Variants in NID1 observed in about 807,000 individuals in gnomAD.
NID1 encodes nidogen-1.
A neutral mutation model predicts 130.6 loss-of-function variants in NID1; 76 were observed. The ratio of observed to expected loss-of-function variants is 0.58; its 90% CI spans 0.48 to 0.70. The LOEUF is 0.70. Among genes scored for constraint, NID1 ranks in the 30% least tolerant of loss-of-function variants. The probability of loss-of-function intolerance (pLI) is 0.00; values close to 1 mark genes in which losing one functional copy is unlikely to be tolerated. For synonymous variants in NID1, 665 were observed against 675.1 expected (o/e 0.98, Z 0.23); for missense variants, 1,517 against 1,664.8 (o/e 0.91, Z 1.54).
intron 8 of NID1, among the ~76,000 whole-genome samples, chr1:236,025,618 C>T (rs1204038290): frequency 6.6e-6 from 1 of 152,178 alleles, no homozygotes; most frequent in Non-Finnish European, 1.5e-5. Context: ...CCAATGCCAG[C>T]AGTAGCCTTA....
At chr1:236,045,359 A>G (rs1035424755) in intron 3 of NID1, 98 bp downstream of exon 3, 33 of 826,360 alleles carry the variant, frequency 4.0e-5, no homozygotes, top group Non-Finnish European at 5.2e-5. Flanking sequence ...ACTTAAATCC[A>G]TAGGAACATT....
intron 14 of NID1, among the ~76,000 whole-genome samples, chr1:235,990,255 T>C (rs1262017979): frequency 6.6e-6 from 1 of 152,324 alleles, no homozygotes; most frequent in East Asian, 1.9e-4. Context: ...AGGTTGGTCC[T>C]GTGGCAGGCA....
intron 13 of NID1, 53 bp downstream of exon 13, chr1:235,993,592 T>G: frequency 7.0e-7 from 1 of 1,424,600 alleles, no homozygotes; most frequent in South Asian, 1.4e-5. Flanking sequence ...GCAATTCCGG[T>G]CCCCCGAGGT....
At position 235,983,167 on chromosome 1, in the gene NID1, C is replaced by G. The variant is rs541899127; in HGVS notation, c.3056-1385G>C. ...GGGATTACAGGCATGAGCCACCACA[C>G]CTGGCTCCAATACTGTGTTCTTCTG... On this transcript the variant is annotated intron_variant, in intron 15 of 19. Coordinates refer to ENST00000264187, the MANE Select transcript of NID1 (RefSeq NM_002508.3). Among the ~76,000 whole-genome samples the G allele has an allele frequency of 4.6e-5, 7 of 152,348 alleles. No homozygotes were observed. The East Asian group carries it at 1.4e-3, about 29-fold the overall frequency.
Position 236,038,113 on chromosome 1 carries a change from C to T in NID1, c.1276G>A (p.Val426Ile). The change falls in exon 5 of 20, where the codon GTT becomes ATT. Residue 426 changes from valine to isoleucine, a missense_variant. Val to Ile is a conservative substitution (Grantham distance 29). Around this residue, in one of 3 missense-constraint regions of NID1, gnomAD observed 1,329 missense variants for 1,429.2 expected, o/e 0.93. Transcript: ENST00000264187. ...AGYTGNGRQCVAEGSPQRVNG... is the reference protein window; with the variant it reads ...AGYTGNGRQCIAEGSPQRVNG... ...TAGAAAAGCAAATTACCTTCTGCAA[C>T]ACATTGCCTGCCATTGCCCGTATAG... 6.3e-7 allele frequency: 1 copy of T among 1,598,882 alleles called. No homozygotes were observed. Among genetic ancestry groups the T allele is most frequent in the Non-Finnish European group, 8.6e-7 (1 of 1,168,136 alleles).
chr1:236,034,453 G>T (rs1467276788), intron 5 of NID1, among the ~76,000 whole-genome samples: 1 of 147,924 alleles, frequency 6.8e-6, no homozygotes, highest in Non-Finnish European at 1.5e-5. Flanking sequence ...GAAAGAAAAA[G>T]AAAAAGGCAT....
intron 1 of NID1, among the ~76,000 whole-genome samples, chr1:236,061,717 C>T (rs12041581): frequency 0.17 from 26,399 of 151,576 alleles, 2,446 homozygotes; most frequent in East Asian, 0.35. Flanking sequence ...AAAGATGAGG[C>T]CCTTCTCAAC....
intron 10 of NID1, among the ~76,000 whole-genome samples, chr1:236,015,709 A>C (rs998516788): frequency 5.3e-5 from 8 of 150,142 alleles, no homozygotes; most frequent in Non-Finnish European, 1.0e-4. Flanking sequence ...GCCTGCCCAC[A>C]GCTGGCCTGT....
chr1:235,989,857 G>A (rs1240182111), intron 14 of NID1, among the ~76,000 whole-genome samples: 2 of 152,220 alleles, frequency 1.3e-5, no homozygotes, highest in Non-Finnish European at 2.9e-5. Flanking sequence ...TGCCTGGTGT[G>A]TTCCAGGACC....
At position 236,064,959 on chromosome 1, in the gene NID1, G is replaced by A; in HGVS notation, c.121C>T (p.Gln41Ter). The A allele has an allele frequency of 1.3e-6, 2 of 1,599,652 alleles. No individual in the cohort carries two copies. Among genetic ancestry groups the A allele is most frequent in the Non-Finnish European group, 1.7e-6 (2 of 1,173,668 alleles). Residue 41 changes from glutamine (Q) to a stop codon, truncating the protein, a stop_gained, in exon 1 of 20, where the codon CAG (glutamine) becomes TAG (stop). Coordinates refer to ENST00000264187, the MANE Select transcript of NID1 (RefSeq NM_002508.3). LOFTEE classifies it high-confidence loss of function. The stretch of plus-strand genomic sequence containing the variant: ...CCGTCCTCCAGCTCCAGGTCCCCCT[G>A]TCCGGGGCCGAAGGGAAAGAGCTCC... ...RQELFPFGPG[Q>*]GDLELEDGDD...
chr1:235,983,543 A>G (rs1451807599), intron 15 of NID1, among the ~76,000 whole-genome samples: 1 of 152,208 alleles, frequency 6.6e-6, no homozygotes, highest in Non-Finnish European at 1.5e-5. Flanking sequence ...ACTCAGATAT[A>G]CGCAAATAAA....
At chr1:236,004,899 G>A (rs548132037) in intron 12 of NID1, among the ~76,000 whole-genome samples, 5 of 152,200 alleles carry the variant, frequency 3.3e-5, no homozygotes, top group Admixed American at 1.3e-4. Context: ...GATGGAGCCC[G>A]GCACGGTGGC....
intron 4 of NID1, among the ~76,000 whole-genome samples, chr1:236,038,465 T>C (rs1659328838): frequency 6.6e-6 from 1 of 152,106 alleles, no homozygotes; most frequent in Non-Finnish European, 1.5e-5. Flanking sequence ...CTCACATCAC[T>C]GAGGCAAACA....
intron 6 of NID1, among the ~76,000 whole-genome samples, chr1:236,031,000 A>C (rs1371464364): frequency 6.6e-6 from 1 of 152,252 alleles, no homozygotes; most frequent in Non-Finnish European, 1.5e-5. Flanking sequence ...TCTGGTTTGC[A>C]TGAGAGCATC....
intron 11 of NID1, 100 bp from the exon 12 acceptor site, chr1:236,012,143 C>A: frequency 7.0e-7 from 1 of 1,436,484 alleles, no homozygotes; most frequent in Non-Finnish European, 9.5e-7. Context: ...TGGGAACCTG[C>A]TTCTGATCTG....
rs1659317824 is a variant in NID1 at position 236,038,201 on chromosome 1, CT to C, written c.1187del (p.Gln396ArgfsTer43). The C allele has an allele frequency of 6.2e-7, 1 of 1,613,848 alleles. No individual in the cohort carries two copies. The highest frequency in any genetic ancestry group is 8.5e-7 in the Non-Finnish European group (1 of 1,179,754). On this transcript the variant is annotated frameshift_variant, in exon 5 of 20. Coordinates refer to ENST00000264187, the MANE Select transcript of NID1 (RefSeq NM_002508.3). LOFTEE classifies it high-confidence loss of function. Reference sequence around the variant, plus strand: ...CCCTGCACTCTGCGTGCACCGAGCACTGGTGTCTGTTGTTAGCACACGTCTG... The same window carrying C: ...CCCTGCACTCTGCGTGCACCGAGCACGGTGTCTGTTGTTAGCACACGTCTG... ...SRQTCANNRH[Q>X]CSVHAECRDY...
At chr1:236,015,804 C>T (rs1658578947) in intron 10 of NID1, among the ~76,000 whole-genome samples, 1 of 152,072 alleles carries the variant, frequency 6.6e-6, no homozygotes, top group African/African-American at 2.4e-5. Flanking sequence ...CTTCATTTTA[C>T]AGACGAGGAA....
intron 4 of NID1, 88 bp downstream of exon 4, chr1:236,041,822 G>A (rs1431315142): frequency 6.8e-6 from 10 of 1,476,094 alleles, no homozygotes; most frequent in Non-Finnish European, 9.1e-6. Context: ...ACCATGTAAT[G>A]CTCACAACTG....
chr1:236,017,312 A>G (rs1365114381), intron 9 of NID1, 39 bp from the exon 10 acceptor site: 2 of 1,605,124 alleles, frequency 1.2e-6, no homozygotes, highest in African/African-American at 1.3e-5. Context: ...GCTTTTTTTT[A>G]AAGCTCTTCA....
Sources: allele counts gnomAD v4.1 joint callset (sites outside exome capture counted in the v4.1 genomes callset), GRCh38; gene constraint gnomAD v4.1.1; regional missense constraint gnomAD v4.1.1; transcripts MANE v1.5; gene names NCBI Gene and HGNC (gene_info 2026-07-23, HGNC 2026-07-21).